Variants in TLE4 observed in about 807,000 individuals in gnomAD.
The protein encoded by TLE4 is transducin-like enhancer protein 4.
Under a neutral mutation model 92.8 loss-of-function variants are expected in TLE4, and 8 were observed. The observed-to-expected ratio is 0.09, with a 90% CI of 0.05 to 0.16. The LOEUF (loss-of-function observed/expected upper bound fraction) is 0.16. Among genes scored for constraint, TLE4 ranks in the 10% least tolerant of loss-of-function variants. The pLI is 1.00. For missense variants in TLE4, 675 were observed against 997.6 expected, an observed-to-expected ratio of 0.68 and a Z score of 4.36; for synonymous variants, 371 against 374.1, an observed-to-expected ratio of 0.99 and a Z score of 0.10.
At chr9:79,709,769 G>A in intron 14 of TLE4, 70 bp downstream of exon 14, 2 of 1,335,264 alleles carry the variant, frequency 1.5e-6, no homozygotes, top group Admixed American at 3.4e-5. Context: ...CGTAGACTTA[G>A]AATACCACTA....
intron 14 of TLE4, 59 bp downstream of exon 14, chr9:79,709,758 C>T (rs2072740251): frequency 1.3e-6 from 2 of 1,482,700 alleles, no homozygotes; most frequent in Admixed American, 1.7e-5. Context: ...CTTGCTGGCC[C>T]CGTAGACTTA....
intron 2 of TLE4, 159 bp downstream of exon 2, chr9:79,573,945 C>A (rs892141191): frequency 4.6e-6 from 2 of 431,316 alleles, no homozygotes. Flanking sequence ...GGCCTCCTTC[C>A]TTAGGCAGGT....
chr9:79,691,620 C>T (rs973764508), intron 8 of TLE4, among the ~76,000 whole-genome samples: 77 of 152,096 alleles, frequency 5.1e-4, no homozygotes, highest in Non-Finnish European at 7.5e-4. Flanking sequence ...CACGTCAGCA[C>T]CCAGTCCTCC....
chr9:79,612,620 T>G, intron 4 of TLE4, 36 bp from the exon 5 acceptor site: 1 of 1,582,794 alleles, frequency 6.3e-7, no homozygotes, highest in Non-Finnish European at 8.7e-7. Flanking sequence ...AGCTGACTGT[T>G]CTCTTTATTG....
chr9:79,635,696 G>A (rs1450920875), intron 6 of TLE4, among the ~76,000 whole-genome samples: 1 of 151,426 alleles, frequency 6.6e-6, no homozygotes, highest in South Asian at 2.1e-4. Flanking sequence ...AACCTTATAT[G>A]TATGAGTGTA....
At chr9:79,711,731 G>T (rs1212080279) in intron 14 of TLE4, among the ~76,000 whole-genome samples, 1 of 152,170 alleles carries the variant, frequency 6.6e-6, no homozygotes, top group Non-Finnish European at 1.5e-5. Context: ...TGAGTCTTGG[G>T]CTGACTTCCC....
intron 4 of TLE4, among the ~76,000 whole-genome samples, chr9:79,608,390 A>AGTC (rs2047594618): frequency 6.6e-6 from 1 of 152,100 alleles, no homozygotes; most frequent in African/African-American, 2.4e-5. Flanking sequence ...AAAGAATTGC[A>AGTC]GTCTTTGTTC....
At chr9:79,689,408 C>T (rs779434454) in intron 8 of TLE4, among the ~76,000 whole-genome samples, 7 of 151,768 alleles carry the variant, frequency 4.6e-5, no homozygotes, top group East Asian at 1.9e-4. Context: ...TTGACCTTGG[C>T]GATGAGTATC....
chr9:79,577,778 T>A (rs2038347810), intron 4 of TLE4, among the ~76,000 whole-genome samples: 2 of 152,196 alleles, frequency 1.3e-5, no homozygotes, highest in African/African-American at 4.8e-5. Flanking sequence ...TTGTTTACCC[T>A]AACCACTTAG....
intron 6 of TLE4, among the ~76,000 whole-genome samples, chr9:79,633,181 ACT>A (rs1169320471): frequency 6.6e-6 from 1 of 151,924 alleles, no homozygotes; most frequent in African/African-American, 2.4e-5. Flanking sequence ...CATAACAAAG[ACT>A]CTCATATATT....
chr9:79,717,547 C>T (rs901352609), intron 14 of TLE4, among the ~76,000 whole-genome samples: 3 of 152,136 alleles, frequency 2.0e-5, no homozygotes, highest in Admixed American at 2.0e-4. Context: ...ACAATGCATG[C>T]GTCATTTTTT....
intron 13 of TLE4, 133 bp from the exon 14 acceptor site, chr9:79,709,490 C>T: frequency 3.0e-6 from 2 of 665,522 alleles, no homozygotes; most frequent in South Asian, 2.1e-5. Context: ...CCAATAAATA[C>T]TTCTGTATAT....
chr9:79,709,820 C>G, intron 14 of TLE4, 121 bp downstream of exon 14: 1 of 699,262 alleles, frequency 1.4e-6, no homozygotes, highest in Non-Finnish European at 2.3e-6. Context: ...ATTTTTTTAC[C>G]TTGCAAGGTA....
intron 6 of TLE4, chr9:79,627,834 A>C (rs546587426): frequency 2.8e-5 from 5 of 175,572 alleles, no homozygotes; most frequent in African/African-American, 1.2e-4. Flanking sequence ...TCTTACTATC[A>C]TTTTTAATGA....
intron 8 of TLE4, chr9:79,704,555 TTTTC>T: frequency 1.9e-6 from 1 of 532,406 alleles, no homozygotes; most frequent in Non-Finnish European, 3.3e-6. Flanking sequence ...TCTTCTCGTT[TTTTC>T]TTTCTTTCCC....
intron 8 of TLE4, among the ~76,000 whole-genome samples, chr9:79,664,000 CG>C (rs1344498943): frequency 6.6e-6 from 1 of 152,126 alleles, no homozygotes; most frequent in East Asian, 1.9e-4. Context: ...CAACGGGCCA[CG>C]GGGCACAGTG....
chr9:79,653,005 G>C, intron 7 of TLE4: 2 of 666,360 alleles, frequency 3.0e-6, no homozygotes, highest in Non-Finnish European at 5.5e-6. Context: ...TAGAGGCAGA[G>C]GGGCCTATTT....
intron 4 of TLE4, among the ~76,000 whole-genome samples, chr9:79,589,518 G>C (rs1564182648): frequency 6.6e-6 from 1 of 152,008 alleles, no homozygotes; most frequent in Non-Finnish European, 1.5e-5. Context: ...AAAACATCCA[G>C]ATCTTTGTGG....
At chr9:79,584,735 G>C (rs2040627343) in intron 4 of TLE4, among the ~76,000 whole-genome samples, 1 of 152,190 alleles carries the variant, frequency 6.6e-6, no homozygotes, top group African/African-American at 2.4e-5. Context: ...GCATACTTAG[G>C]TCTGTGTTGT....
Sources: gnomAD v4.1 joint callset for allele counts (sites outside exome capture counted in the v4.1 genomes callset) on GRCh38, gnomAD v4.1.1 for gene constraint, MANE v1.5 for transcripts, NCBI Gene and HGNC (gene_info 2026-07-23, HGNC 2026-07-21) for gene names.